The following ACSM5 variants were observed in gnomAD, a reference collection of about 807,000 sequenced individuals.
The protein encoded by ACSM5 is acyl-coenzyme A synthetase ACSM5, mitochondrial.
ACSM5 carries 56 observed loss-of-function variants against 71.6 expected under a neutral mutation model. The ratio of observed to expected loss-of-function variants is 0.78; its 90% CI spans 0.63 to 0.98. ACSM5 has a LOEUF of 0.98. Among genes scored for constraint, ACSM5 ranks in the 50% least tolerant of loss-of-function variants. The probability of loss-of-function intolerance (pLI) is 0.00; values close to 1 mark genes in which losing one functional copy is unlikely to be tolerated. For synonymous variants in ACSM5, 285 were observed against 281.5 expected (o/e 1.01, Z -0.12); for missense variants, 723 against 726.0 (o/e 1.00, Z 0.05).
chr16:20,425,959 C>A (rs1367787466), intron 6 of ACSM5, among the ~76,000 whole-genome samples: 9 of 152,176 alleles, frequency 5.9e-5, no homozygotes, highest in Admixed American at 3.9e-4. Context: ...AGTGGGATTG[C>A]TGGATCAAAT....
At chr16:20,422,535 T>C (rs1430334647) in intron 5 of ACSM5, among the ~76,000 whole-genome samples, 3 of 152,272 alleles carry the variant, frequency 2.0e-5, no homozygotes, top group African/African-American at 4.8e-5. Context: ...TCTCTGCTTT[T>C]ACTTCTTTTG....
rs1966848271 is a variant in ACSM5 at position 20,411,754 on chromosome 16, G to C, written c.204+66G>C. 2.6e-6 allele frequency: 4 copies of C among 1,517,328 alleles called. No individual in the cohort carries two copies. In the East Asian group the frequency reaches 9.1e-5, roughly 34 times the overall value. The allele number at this position is 1,517,328 out of a possible 1,614,324, so 94.0% of individuals were successfully genotyped here. A position where few individuals can be genotyped will look rare whatever the true frequency, so the allele number is the denominator to read the frequency against. ...AGGCTGCCCTCATGTACCACAATGAGACTCAAGGCTCCAAGCATGTTGATG... is the reference window on the plus strand; with the variant it reads ...AGGCTGCCCTCATGTACCACAATGACACTCAAGGCTCCAAGCATGTTGATG... On this transcript the variant is annotated intron_variant, in intron 2 of 13. Coordinates refer to ENST00000331849, the MANE Select transcript of ACSM5 (RefSeq NM_017888.3).
At chr16:20,411,942 T>C (rs369798461) in intron 2 of ACSM5, 11 of 495,896 alleles carry the variant, frequency 2.2e-5, no homozygotes, top group East Asian at 1.5e-4. Context: ...GAGACAGTTA[T>C]GTCCCTTCCG....
rs761558815 is a variant in ACSM5 at position 20,437,109 on chromosome 16, C to G, written c.1366C>G (p.Arg456Gly). 6.2e-7 allele frequency: 1 copy of G among 1,614,036 alleles called. No homozygotes were observed. Among genetic ancestry groups the G allele is most frequent in the African/African-American group, 1.3e-5 (1 of 74,902 alleles). Residue 456 changes from arginine (R) to glycine (G), a missense_variant, in exon 11 of 14, where the codon CGA becomes GGA. Arg to Gly is a moderately radical substitution (Grantham distance 125). Coordinates refer to ENST00000331849, the MANE Select transcript of ACSM5 (RefSeq NM_017888.3). Reference sequence around the variant, plus strand: ...AGGGGACTTTTACATCACAGGGGACCGAGCTCGCATGGACAAGGATGGCTA... The same window carrying G: ...AGGGGACTTTTACATCACAGGGGACGGAGCTCGCATGGACAAGGATGGCTA... ...EQGDFYITGDRARMDKDGYFW... is the reference protein window; with the variant it reads ...EQGDFYITGDGARMDKDGYFW...
At chr16:20,435,003 A>T (rs1169010029) in intron 10 of ACSM5, among the ~76,000 whole-genome samples, 2 of 152,176 alleles carry the variant, frequency 1.3e-5, no homozygotes, top group Non-Finnish European at 2.9e-5. Context: ...CAACTTAGGG[A>T]TAATTGACAT....
chr16:20,419,190 C>A (rs757568133), intron 3 of ACSM5, 38 bp from the exon 4 acceptor site: 3 of 1,608,602 alleles, frequency 1.9e-6, no homozygotes, highest in Admixed American at 3.3e-5. Context: ...AAGGCCTTCC[C>A]CGCTATCCAC....
In ACSM5 at chr16:20,437,129, T is replaced by C; in HGVS notation, c.1386T>C (p.Asp462=). The change falls in exon 11 of 14, where the codon GAT becomes GAC. Residue 462 remains aspartate (D), a synonymous_variant. Coordinates refer to ENST00000331849, the MANE Select transcript of ACSM5 (RefSeq NM_017888.3). ...GGGACCGAGCTCGCATGGACAAGGA[T>C]GGCTACTTTTGGTTCATGGGAAGAA... is the stretch of plus-strand genomic sequence containing the variant. ...ITGDRARMDK[D]GYFWFMGRND... 6.2e-7 allele frequency: 1 copy of C among 1,614,096 alleles called. No homozygotes were observed. The highest frequency in any genetic ancestry group is 1.1e-5 in the South Asian group (1 of 91,076).
chr16:20,429,617 C>T, intron 7 of ACSM5, 61 bp from the exon 8 acceptor site: 3 of 1,609,196 alleles, frequency 1.9e-6, no homozygotes, highest in East Asian at 2.2e-5. Flanking sequence ...GCAGTGGCAC[C>T]AGAGGGCGGG....
intron 12 of ACSM5, among the ~76,000 whole-genome samples, chr16:20,437,855 C>T (rs544297513): frequency 1.6e-3 from 241 of 149,880 alleles, no homozygotes; most frequent in Admixed American, 5.9e-3. Context: ...TGGAGTCTTG[C>T]TGTGTTGTCC....
chr16:20,418,342 T>G, intron 3 of ACSM5, 73 bp downstream of exon 3: 1 of 1,426,932 alleles, frequency 7.0e-7, no homozygotes, highest in East Asian at 2.4e-5. Context: ...GTCCACAGGG[T>G]CTTGAAGATG....
rs374237806 is a variant in ACSM5 at position 20,440,448 on chromosome 16, C to G, written c.*21C>G. The G allele has an allele frequency of 1.6e-5, 26 of 1,596,238 alleles. 1 individual carries two copies. The highest frequency in any genetic ancestry group is 1.7e-4 in the Middle Eastern group (1 of 6,052). On this transcript the variant is annotated 3_prime_UTR_variant, in exon 14 of 14. Transcript: ENST00000331849. ...AATGAGGTGCACCCCAGGAAGGCCC[C>G]GTAGACCTCCGAAGACTCCACAAGA... is the stretch of plus-strand genomic sequence containing the variant.
chr16:20,411,177 C>G (rs567501502), intron 1 of ACSM5, among the ~76,000 whole-genome samples: 40 of 152,280 alleles, frequency 2.6e-4, no homozygotes, highest in African/African-American at 6.5e-4. Context: ...TTGGCCAAAG[C>G]CTTTTTGAGG....
intron 2 of ACSM5, among the ~76,000 whole-genome samples, chr16:20,412,837 T>C (rs1003378495): frequency 2.0e-5 from 3 of 152,192 alleles, no homozygotes; most frequent in Admixed American, 6.5e-5. Context: ...ATGTTAATTA[T>C]AAGAAGAGAT....
intron 12 of ACSM5, among the ~76,000 whole-genome samples, chr16:20,437,795 A>C (rs1028703699): frequency 1.3e-5 from 2 of 151,118 alleles, no homozygotes; most frequent in African/African-American, 4.9e-5. Flanking sequence ...AGATGGGCCA[A>C]ATTTAATAAG....
Position 20,431,036 on chromosome 16 carries a change from G to A in ACSM5, c.1169G>A (p.Gly390Glu). ...CCAAAAGGCATGAAAATCAAGTCTG[G>A]ATCCATGGGGAAGGCGTCCCCACCC... is the stretch of plus-strand genomic sequence containing the variant. ...ANPKGMKIKS[G>E]SMGKASPPYD... The change falls in exon 9 of 14, where the codon GGA (glycine) becomes GAA (glutamate). Residue 390 changes from glycine to glutamate, a missense_variant. Physicochemically the swap from Gly to Glu is moderately conservative, Grantham distance 98 (BLOSUM62 -2). Coordinates refer to ENST00000331849, the MANE Select transcript of ACSM5 (RefSeq NM_017888.3). 1 of 1,614,000 alleles carries A rather than the reference G, an allele frequency of 6.2e-7. No homozygotes were observed. The highest frequency in any genetic ancestry group is 8.5e-7 in the Non-Finnish European group (1 of 1,179,946).
chr16:20,432,733 T>C (rs1249145643), intron 10 of ACSM5, among the ~76,000 whole-genome samples: 2 of 152,136 alleles, frequency 1.3e-5, no homozygotes. Flanking sequence ...GTGAGATTGT[T>C]CCACTGAGTG....
intron 10 of ACSM5, among the ~76,000 whole-genome samples, chr16:20,431,628 G>A (rs1366860024): frequency 6.6e-6 from 1 of 151,982 alleles, no homozygotes; most frequent in African/African-American, 2.4e-5. Context: ...GGTGAAAATC[G>A]AGGTACAGTA....
At position 20,430,981 on chromosome 16, in the gene ACSM5, C is replaced by T. The variant is rs111638486; in HGVS notation, c.1126-12C>T. Reference sequence around the variant, plus strand: ...GAAAGGCTCTTCTTTATCTGTACTGCGTTCTCCCCAGGTTGTCATCTGTGC... The same window carrying T: ...GAAAGGCTCTTCTTTATCTGTACTGTGTTCTCCCCAGGTTGTCATCTGTGC... On this transcript the variant is annotated splice_polypyrimidine_tract_variant and intron_variant, in intron 8 of 13. Transcript: ENST00000331849. 20 of 1,603,716 alleles carry T rather than the reference C, an allele frequency of 1.2e-5. No individual in the cohort carries two copies. The highest frequency in any genetic ancestry group is 1.0e-4 in the South Asian group (9 of 89,450).
In ACSM5 at chr16:20,419,447, C is replaced by T. The variant is rs77322809; in HGVS notation, c.623+12C>T. ...AGGGAACTCCTCCGGTGAATTGGGGCTCTCCAGAACAGCAGAAAAATGAAG... is the reference window on the plus strand; with the variant it reads ...AGGGAACTCCTCCGGTGAATTGGGGTTCTCCAGAACAGCAGAAAAATGAAG... On this transcript the variant is annotated intron_variant, in intron 4 of 13. Coordinates refer to ENST00000331849, the MANE Select transcript of ACSM5 (RefSeq NM_017888.3). The T allele has an allele frequency of 0.022, 35,200 of 1,612,502 alleles. 490 individuals are homozygous for T. The highest frequency in any genetic ancestry group is 0.025 in the Non-Finnish European group (29,627 of 1,178,712).
Sources: gnomAD v4.1 joint callset for allele counts (sites outside exome capture counted in the v4.1 genomes callset) on GRCh38, gnomAD v4.1.1 for gene constraint, MANE v1.5 for transcripts, NCBI Gene and HGNC (gene_info 2026-07-23, HGNC 2026-07-21) for gene names.